The following NTRK2 variants were observed in gnomAD, a reference collection of about 807,000 sequenced individuals.
The protein encoded by NTRK2 is neurotrophic receptor tyrosine kinase 2, also known as BDNF/NT-3 growth factors receptor.
In NTRK2, 13 loss-of-function variants were observed where a neutral mutation model predicts 94.5. The observed-to-expected ratio is 0.14, with a 90% CI of 0.09 to 0.22. The LOEUF (loss-of-function observed/expected upper bound fraction) is 0.22, where lower values mean the gene tolerates loss of function less well. Among genes scored for constraint, NTRK2 ranks in the 10% least tolerant of loss-of-function variants. NTRK2 has a pLI of 1.00. For missense variants in NTRK2, 639 were observed against 1,071.2 expected (o/e 0.60, Z 5.63); for synonymous variants, 372 against 407.4 (o/e 0.91, Z 1.05).
intron 12 of NTRK2, among the ~76,000 whole-genome samples, chr9:84,854,300 A>G (rs879512090): frequency 2.0e-5 from 3 of 152,018 alleles, no homozygotes; most frequent in Admixed American, 1.3e-4. Context: ...CCACTGGATA[A>G]TGTATCCATT....
At chr9:84,743,597 C>T (rs1260472766) in intron 10 of NTRK2, among the ~76,000 whole-genome samples, 3 of 152,156 alleles carry the variant, frequency 2.0e-5, no homozygotes, top group Non-Finnish European at 2.9e-5. Context: ...CAGAGAAATA[C>T]GTTTGAATTG....
At chr9:84,943,994 T>A (rs1185858201) in intron 15 of NTRK2, among the ~76,000 whole-genome samples, 1 of 152,146 alleles carries the variant, frequency 6.6e-6, no homozygotes, top group Non-Finnish European at 1.5e-5. Context: ...ATGGGCATGT[T>A]GGATGAGGCC....
intron 15 of NTRK2, among the ~76,000 whole-genome samples, chr9:84,947,638 G>A (rs964932441): frequency 9.2e-5 from 14 of 152,336 alleles, no homozygotes; most frequent in African/African-American, 3.4e-4. Flanking sequence ...AGGACAGTGG[G>A]TTTTGAGCTT....
In NTRK2 at chr9:85,024,752, CTTCAGCTAAA is replaced by C. The variant is rs1302239262; in HGVS notation, c.*3329_*3338del. The C allele has an allele frequency of 4.3e-6, 1 of 232,998 alleles. No individual in the cohort carries two copies. The highest frequency in any genetic ancestry group is 8.5e-6 in the Non-Finnish European group (1 of 117,982). 14.4% of individuals were successfully genotyped at this position (232,998 alleles called of 1,614,324 possible). A position where few individuals can be genotyped will look rare whatever the true frequency, so the allele number is the denominator to read the frequency against. On this transcript the variant is annotated 3_prime_UTR_variant, in exon 19 of 19. Coordinates refer to ENST00000277120, the MANE Select transcript of NTRK2 (RefSeq NM_006180.6). ...TTGTGATATATAATCATGCTCTTAG[CTTCAGCTAAA>C]TTCAGCTAAATTCTTGTACACTGAA...
intron 17 of NTRK2, among the ~76,000 whole-genome samples, chr9:84,995,769 T>G (rs1462404541): frequency 6.6e-6 from 1 of 152,200 alleles, no homozygotes; most frequent in Non-Finnish European, 1.5e-5. Context: ...CACCTTTATC[T>G]AGACAACTAA....
At chr9:84,965,158 G>GA (rs34814581) in intron 17 of NTRK2, among the ~76,000 whole-genome samples, 2 of 151,844 alleles carry the variant, frequency 1.3e-5, no homozygotes, top group African/African-American at 2.4e-5. Context: ...AGAAGGCTTT[G>GA]AAAAAAAATG....
rs569490065 is a variant in NTRK2, at chr9:84,947,926, C to T, written c.1765-536C>T. On this transcript the variant is annotated intron_variant, in intron 15 of 18. Coordinates refer to ENST00000277120, the MANE Select transcript of NTRK2 (RefSeq NM_006180.6). ...CTTGGCAGCATGACCACTCTTCTTG[C>T]GGCTTGCTGGGCAGGGATGTTTTGT... Among the ~76,000 whole-genome samples, 31 of 152,182 alleles carry T rather than the reference C, an allele frequency of 2.0e-4. 1 individual carries two copies. Among genetic ancestry groups the T allele is most frequent in the Non-Finnish European group, 4.4e-5 (3 of 68,034 alleles).
chr9:84,687,627 G>C (rs1158624183), intron 2 of NTRK2, among the ~76,000 whole-genome samples: 1 of 152,288 alleles, frequency 6.6e-6, no homozygotes, highest in Admixed American at 6.5e-5. Context: ...TAGATACTCT[G>C]TTGGCAAAGT....
chr9:84,797,533 TG>T (rs2069485516), intron 12 of NTRK2, among the ~76,000 whole-genome samples: 3 of 80,080 alleles, frequency 3.7e-5, no homozygotes, highest in African/African-American at 2.2e-4. Context: ...ACTATAATAA[TG>T]TATATATAAT....
At chr9:84,955,945 A>T (rs768828477) in intron 17 of NTRK2, among the ~76,000 whole-genome samples, 1 of 151,960 alleles carries the variant, frequency 6.6e-6, no homozygotes, top group African/African-American at 2.4e-5. Context: ...TTTTGGGGGG[A>T]CGCAGGTCAG....
At chr9:84,981,184 G>A (rs12378209) in intron 17 of NTRK2, among the ~76,000 whole-genome samples, 1 of 152,104 alleles carries the variant, frequency 6.6e-6, no homozygotes, top group Admixed American at 6.6e-5. Context: ...GGGTTCAAGC[G>A]ATTCTCCTGC....
At chr9:84,932,299 G>C (rs2078064738) in intron 14 of NTRK2, among the ~76,000 whole-genome samples, 1 of 152,186 alleles carries the variant, frequency 6.6e-6, no homozygotes, top group South Asian at 2.1e-4. Context: ...CGTTGAGAGA[G>C]AGATTCAAGA....
At chr9:84,870,362 T>TATATATATATATATATAA in intron 14 of NTRK2, among the ~76,000 whole-genome samples, 1 of 132,820 alleles carries the variant, frequency 7.5e-6, no homozygotes, top group East Asian at 2.2e-4. Flanking sequence ...TATATATATA[T>TATATATATATATATATAA]ATAAAACTCT....
rs535472647 is a variant in NTRK2, at chr9:84,829,242, G to A, written c.1397-31798G>A. On this transcript the variant is annotated intron_variant, in intron 12 of 18. Coordinates refer to ENST00000277120, the MANE Select transcript of NTRK2 (RefSeq NM_006180.6). ...TTGAACTCCTGACCTCAAGTGATCC[G>A]CCTGCCTTGGCCTCCCAAAATGCTG... Among the ~76,000 whole-genome samples the A allele has an allele frequency of 9.9e-5, 15 of 152,100 alleles. No homozygotes were observed. The South Asian group carries it at 1.2e-3, about 13-fold the overall frequency.
intron 12 of NTRK2, among the ~76,000 whole-genome samples, 153 bp from the exon 13 acceptor site, chr9:84,860,887 G>T (rs1027145793): frequency 7.4e-6 from 1 of 134,942 alleles, no homozygotes; most frequent in Non-Finnish European, 1.6e-5. Flanking sequence ...ATCCCAAGTG[G>T]TTTGTTTATT....
At chr9:84,992,431 C>T (rs1290787931) in intron 17 of NTRK2, among the ~76,000 whole-genome samples, 2 of 151,990 alleles carry the variant, frequency 1.3e-5, no homozygotes, top group Non-Finnish European at 2.9e-5. Flanking sequence ...TCCTGGTCCC[C>T]AGCCCCCTTG....
chr9:84,735,778 ATTGATCCAC>A (rs1340157830), intron 9 of NTRK2, among the ~76,000 whole-genome samples: 1 of 152,236 alleles, frequency 6.6e-6, no homozygotes, highest in Admixed American at 6.5e-5. Flanking sequence ...CTAAGATGAA[ATTGATCCAC>A]TGTATGTCAG....
intron 12 of NTRK2, among the ~76,000 whole-genome samples, chr9:84,801,111 T>C (rs2070385642): frequency 6.6e-6 from 1 of 152,224 alleles, no homozygotes; most frequent in Admixed American, 6.5e-5. Context: ...TGGAAGGCAC[T>C]AAGGTACTCA....
In NTRK2 at chr9:84,924,244, A is replaced by AAAGG. The variant is rs201269765; in HGVS notation, c.1634-9915_1634-9914insGAAG. 3.5e-3 allele frequency among the ~76,000 whole-genome samples: 485 copies of AAAGG among 138,340 alleles called. 1 individual carries two copies. The highest frequency in any genetic ancestry group is 0.013 in the African/African-American group (458 of 35,238). The allele number at this position is 138,340 out of a possible 152,430, so 90.8% of individuals were successfully genotyped here. On this transcript the variant is annotated intron_variant, in intron 14 of 18. Coordinates refer to ENST00000277120, the MANE Select transcript of NTRK2 (RefSeq NM_006180.6). ...AGAAAGAAAGTAGAAAGAAAGAAAG[A>AAAGG]AAGAAAGAAAGAAAGAAAGAAAGAA...
Sources: gnomAD v4.1 joint callset for allele counts (sites outside exome capture counted in the v4.1 genomes callset) on GRCh38, gnomAD v4.1.1 for gene constraint, MANE v1.5 for transcripts, NCBI Gene and HGNC (gene_info 2026-07-23, HGNC 2026-07-21) for gene names.